The following LUZP2 variants were observed in gnomAD, a reference collection of about 807,000 sequenced individuals.
The protein encoded by LUZP2 is leucine zipper protein 2.
LUZP2 carries 52 observed loss-of-function variants against 51.6 expected under a neutral mutation model. The ratio of observed to expected loss-of-function variants is 1.01; its 90% confidence interval spans 0.81 to 1.27. LUZP2 has a LOEUF of 1.27. LUZP2 is among the 50% of genes most tolerant of loss of function. LUZP2 has a pLI of 0.00. For synonymous variants in LUZP2, 154 were observed against 137.3 expected, an observed-to-expected ratio of 1.12 and a Z score of -0.85; for missense variants, 436 against 395.4, an observed-to-expected ratio of 1.10 and a Z score of -0.87.
rs775051774 is a variant in LUZP2, at chr11:24,654,082, G to C, written c.63-75087G>C. ...CTCTATTACTTAGTAATTACGTGTCGTTGAGCAAAATGTAGAAAGATATAC... is the reference window on the plus strand; with the variant it reads ...CTCTATTACTTAGTAATTACGTGTCCTTGAGCAAAATGTAGAAAGATATAC... On this transcript the variant is annotated intron_variant, in intron 1 of 11. Transcript: ENST00000336930. 2.6e-5 allele frequency among the ~76,000 whole-genome samples: 4 copies of C among 152,134 alleles called. No individual in the cohort carries two copies. The East Asian group carries it at 5.8e-4, about 22-fold the overall frequency.
At chr11:24,931,249 T>C (rs1854441667) in intron 7 of LUZP2, among the ~76,000 whole-genome samples, 1 of 149,568 alleles carries the variant, frequency 6.7e-6, no homozygotes, top group Non-Finnish European at 1.5e-5. Context: ...TAAAATAAAA[T>C]AAAATAAAAT....
At chr11:24,738,748 G>T (rs1285043498) in intron 4 of LUZP2, among the ~76,000 whole-genome samples, 2 of 152,124 alleles carry the variant, frequency 1.3e-5, no homozygotes, top group African/African-American at 4.8e-5. Context: ...CCCCAAAGTT[G>T]ATGAATCAAA....
chr11:24,689,092 A>G (rs1217587164), intron 1 of LUZP2, among the ~76,000 whole-genome samples: 3 of 152,150 alleles, frequency 2.0e-5, no homozygotes, highest in Non-Finnish European at 4.4e-5. Context: ...AAGTTTATGA[A>G]AACGTTTTAG....
chr11:25,032,032 C>T (rs768724211), intron 9 of LUZP2, among the ~76,000 whole-genome samples: 16 of 152,112 alleles, frequency 1.1e-4, no homozygotes, highest in Admixed American at 2.0e-4. Context: ...AGGAGGGCAT[C>T]GTGACTATGG....
chr11:24,520,465 T>G (rs545734224), intron 1 of LUZP2, among the ~76,000 whole-genome samples: 104 of 152,328 alleles, frequency 6.8e-4, no homozygotes, highest in Non-Finnish European at 1.1e-3. Flanking sequence ...ACACATATAA[T>G]GAAAAGGTTG....
chr11:24,497,354 G>T, intron 1 of LUZP2, 49 bp downstream of exon 1: 1 of 1,416,814 alleles, frequency 7.1e-7, no homozygotes, highest in South Asian at 1.5e-5. Flanking sequence ...CTGCCGGGGC[G>T]AGGTTGGTCC....
intron 5 of LUZP2, among the ~76,000 whole-genome samples, chr11:24,858,575 A>T (rs1436930907): frequency 6.6e-6 from 1 of 152,172 alleles, no homozygotes; most frequent in Non-Finnish European, 1.5e-5. Flanking sequence ...AGCATTTGGG[A>T]CAATAAAAGA....
At chr11:24,679,001 G>A (rs78237141) in intron 1 of LUZP2, among the ~76,000 whole-genome samples, 8,941 of 152,242 alleles carry the variant, frequency 0.059, 336 homozygotes, top group Non-Finnish European at 0.085. Context: ...AGTTGTGAGA[G>A]GTATTTTTCA....
chr11:24,846,971 A>G (rs182912705), intron 5 of LUZP2, among the ~76,000 whole-genome samples: 1 of 151,880 alleles, frequency 6.6e-6, no homozygotes, highest in Non-Finnish European at 1.5e-5. Context: ...ATGTATATAT[A>G]CACTCATATA....
chr11:24,958,188 T>C (rs1412794428), intron 7 of LUZP2, among the ~76,000 whole-genome samples: 1 of 152,206 alleles, frequency 6.6e-6, no homozygotes, highest in African/African-American at 2.4e-5. Context: ...GTCTTTGCTA[T>C]TGTGAATAGT....
At chr11:24,608,746 CTAATA>C (rs1454195520) in intron 1 of LUZP2, among the ~76,000 whole-genome samples, 1 of 152,042 alleles carries the variant, frequency 6.6e-6, no homozygotes, top group Non-Finnish European at 1.5e-5. Context: ...AATGATAAAA[CTAATA>C]CAAACTATAG....
At chr11:24,598,823 G>C (rs1826709467) in intron 1 of LUZP2, among the ~76,000 whole-genome samples, 1 of 152,152 alleles carries the variant, frequency 6.6e-6, no homozygotes, top group Admixed American at 6.5e-5. Context: ...TTTGCTTCCA[G>C]AAAAACAATT....
intron 1 of LUZP2, among the ~76,000 whole-genome samples, chr11:24,681,120 T>C (rs541383550): frequency 3.4e-4 from 51 of 152,210 alleles, no homozygotes; most frequent in African/African-American, 1.2e-3. Flanking sequence ...TAGTTGGGAC[T>C]ACAGGCGCCC....
intron 1 of LUZP2, among the ~76,000 whole-genome samples, chr11:24,616,568 C>T (rs1461593883): frequency 2.6e-5 from 4 of 151,536 alleles, no homozygotes; most frequent in African/African-American, 9.7e-5. Flanking sequence ...ACTACCTTTC[C>T]ACCATAGAAA....
rs115929180 is a variant in LUZP2, at chr11:24,735,253, G to A, written c.252-2968G>A. Among the ~76,000 whole-genome samples, 425 of 151,954 alleles carry A rather than the reference G, an allele frequency of 2.8e-3. 6 individuals are homozygous for A. Among genetic ancestry groups the A allele is most frequent in the South Asian group, 0.024 (114 of 4,828 alleles). On this transcript the variant is annotated intron_variant, in intron 3 of 11. Coordinates refer to ENST00000336930, the MANE Select transcript of LUZP2 (RefSeq NM_001009909.4). ...AAATGAGAGTCATGTTGGCTTGAGC[G>A]TCACGTTTCAGGAATATTTACACAG...
chr11:24,583,692 C>G (rs887903256), intron 1 of LUZP2, among the ~76,000 whole-genome samples: 1 of 150,074 alleles, frequency 6.7e-6, no homozygotes, highest in Non-Finnish European at 1.5e-5. Context: ...CAGGGGAAGT[C>G]GATGTATACC....
Position 24,534,052 on chromosome 11 carries a change from T to C in LUZP2, c.62+36747T>C, listed in dbSNP as rs78206305. On this transcript the variant is annotated intron_variant, in intron 1 of 11. Coordinates refer to ENST00000336930, the MANE Select transcript of LUZP2 (RefSeq NM_001009909.4). Reference sequence around the variant, plus strand: ...TCTCTAAGTCTAAATAAATAAGCTCTGTGGAAATGATAAATAAATTGTTTC... The same window carrying C: ...TCTCTAAGTCTAAATAAATAAGCTCCGTGGAAATGATAAATAAATTGTTTC... Among the ~76,000 whole-genome samples, 125 of 151,418 alleles carry C rather than the reference T, an allele frequency of 8.3e-4. 1 individual carries two copies. In the South Asian group the frequency reaches 0.021, roughly 25 times the overall value.
chr11:24,568,736 G>T (rs1197876524), intron 1 of LUZP2, among the ~76,000 whole-genome samples: 1 of 151,894 alleles, frequency 6.6e-6, no homozygotes, highest in East Asian at 1.9e-4. Context: ...TTATTAAAAA[G>T]AAAGATTTAT....
chr11:24,589,431 G>T (rs1853185298), intron 1 of LUZP2, among the ~76,000 whole-genome samples: 1 of 152,168 alleles, frequency 6.6e-6, no homozygotes, highest in African/African-American at 2.4e-5. Flanking sequence ...ATTCTTTAAA[G>T]TTCCTGTGGC....
Sources: allele counts gnomAD v4.1 joint callset (sites outside exome capture counted in the v4.1 genomes callset), GRCh38; gene constraint gnomAD v4.1.1; transcripts MANE v1.5; gene names NCBI Gene and HGNC (gene_info 2026-07-23, HGNC 2026-07-21).